MYO18B: variants seen among roughly 807,000 people sequenced by gnomAD.
The protein encoded by MYO18B is unconventional myosin-XVIIIb.
Under a neutral mutation model 273.0 loss-of-function variants are expected in MYO18B, and 204 were observed. The ratio of observed to expected loss-of-function variants is 0.75; its 90% CI spans 0.67 to 0.84. The LOEUF (loss-of-function observed/expected upper bound fraction) is 0.84. MYO18B is among the 40% of genes least tolerant of loss of function. The pLI, the probability that MYO18B is intolerant of heterozygous loss-of-function variation, is 0.00. For missense variants in MYO18B, 3,212 were observed against 3,287.6 expected (o/e 0.98, Z 0.56); for synonymous variants, 1,330 against 1,305.7 (o/e 1.02, Z -0.40).
At chr22:25,997,050 C>T (rs1056830429) in intron 40 of MYO18B, among the ~76,000 whole-genome samples, 5 of 151,940 alleles carry the variant, frequency 3.3e-5, no homozygotes, top group Non-Finnish European at 7.4e-5. Context: ...TTGCTGGGCG[C>T]GGTGGCTCAT....
intron 12 of MYO18B, among the ~76,000 whole-genome samples, chr22:25,819,124 C>T (rs943537757): frequency 3.3e-5 from 5 of 152,128 alleles, no homozygotes; most frequent in African/African-American, 1.2e-4. Flanking sequence ...GGATTTTGTG[C>T]ACCGGCCAGC....
At chr22:25,887,265 G>A (rs530134272) in intron 25 of MYO18B, among the ~76,000 whole-genome samples, 3 of 152,238 alleles carry the variant, frequency 2.0e-5, no homozygotes, top group South Asian at 2.1e-4. Flanking sequence ...TGTTGGATCC[G>A]TGAAGAACAA....
chr22:25,991,447 T>G (rs1183821127), intron 39 of MYO18B, among the ~76,000 whole-genome samples: 3 of 152,170 alleles, frequency 2.0e-5, no homozygotes, highest in African/African-American at 7.2e-5. Context: ...CAAAAATGTC[T>G]CCAGACATGA....
At chr22:25,983,010 C>T (rs2093165123) in intron 39 of MYO18B, among the ~76,000 whole-genome samples, 1 of 152,132 alleles carries the variant, frequency 6.6e-6, no homozygotes, top group Admixed American at 6.5e-5. Flanking sequence ...ACCTAGTATA[C>T]AGCAATACAT....
At chr22:26,003,737 A>C (rs1951639325) in intron 41 of MYO18B, among the ~76,000 whole-genome samples, 1 of 152,158 alleles carries the variant, frequency 6.6e-6, no homozygotes, top group Non-Finnish European at 1.5e-5. Context: ...TGCGTGGCCA[A>C]ACCCTAACCT....
intron 20 of MYO18B, among the ~76,000 whole-genome samples, chr22:25,850,860 A>G (rs2090405589): frequency 6.6e-6 from 1 of 152,172 alleles, no homozygotes; most frequent in Non-Finnish European, 1.5e-5. Flanking sequence ...GTTATTTTGG[A>G]AAACCCTATG....
intron 36 of MYO18B, among the ~76,000 whole-genome samples, chr22:25,948,459 C>CTTCCTTCCTTCCTTCCTTCT (rs1442898869): frequency 4.4e-5 from 3 of 67,636 alleles, no homozygotes; most frequent in African/African-American, 1.6e-4. Context: ...TCCTTCCTTC[C>CTTCCTTCCTTCCTTCCTTCT]TTCTTTCTTT....
intron 42 of MYO18B, 145 bp downstream of exon 42, chr22:26,005,000 T>G: frequency 9.8e-7 from 1 of 1,019,254 alleles, no homozygotes; most frequent in South Asian, 1.6e-5. Flanking sequence ...CTCTGCCACT[T>G]CCTAGCTGTG....
chr22:26,029,255 G>A (rs1322872302), intron 43 of MYO18B, among the ~76,000 whole-genome samples: 1 of 152,172 alleles, frequency 6.6e-6, no homozygotes, highest in Admixed American at 6.5e-5. Flanking sequence ...TCCAGCGACT[G>A]CACATGGCTC....
intron 3 of MYO18B, among the ~76,000 whole-genome samples, chr22:25,765,139 C>T (rs2086460370): frequency 6.6e-6 from 1 of 152,096 alleles, no homozygotes; most frequent in Admixed American, 6.5e-5. Flanking sequence ...CACTGCTGTG[C>T]CTGGATGGAG....
intron 1 of MYO18B, among the ~76,000 whole-genome samples, chr22:25,747,632 T>C (rs1022982211): frequency 6.6e-6 from 1 of 151,992 alleles, no homozygotes; most frequent in Non-Finnish European, 1.5e-5. Context: ...TTTTCTAATT[T>C]CTCATAGAAA....
intron 12 of MYO18B, among the ~76,000 whole-genome samples, chr22:25,802,585 TA>T (rs949982420): frequency 8.0e-5 from 12 of 149,624 alleles, no homozygotes; most frequent in Admixed American, 2.0e-4. Context: ...TCATCTCTAC[TA>T]AAAAAAAATA....
intron 12 of MYO18B, among the ~76,000 whole-genome samples, chr22:25,817,328 TTC>T (rs1312711525): frequency 6.6e-6 from 1 of 151,790 alleles, no homozygotes; most frequent in Non-Finnish European, 1.5e-5. Context: ...TTCTTTTCTT[TTC>T]TTTTTCTTTT....
At chr22:25,847,962 C>T (rs1043878683) in intron 20 of MYO18B, among the ~76,000 whole-genome samples, 1 of 151,390 alleles carries the variant, frequency 6.6e-6, no homozygotes, top group Admixed American at 6.6e-5. Context: ...CACACACACA[C>T]ACACACACAC....
chr22:25,942,310 A>G (rs2092653951), intron 34 of MYO18B, among the ~76,000 whole-genome samples: 1 of 152,216 alleles, frequency 6.6e-6, no homozygotes, highest in Non-Finnish European at 1.5e-5. Context: ...GGCAGGTTCC[A>G]GGAATGATGC....
chr22:25,938,820 G>A (rs868551982), intron 34 of MYO18B, among the ~76,000 whole-genome samples: 2 of 152,138 alleles, frequency 1.3e-5, no homozygotes, highest in Non-Finnish European at 2.9e-5. Flanking sequence ...TTAACACTAT[G>A]GAAGTGTTTG....
At chr22:25,809,024 AC>A (rs1315015652) in intron 12 of MYO18B, among the ~76,000 whole-genome samples, 3 of 151,940 alleles carry the variant, frequency 2.0e-5, no homozygotes, top group African/African-American at 4.8e-5. Flanking sequence ...GCTTACAGCA[AC>A]CTCCGCCTCC....
rs187090441 is a variant in MYO18B at position 25,834,337 on chromosome 22, C to A, written c.3061-959C>A. ...TTAACAACTATTTTCTGAGGACCTTCTGAGCGTGGGCTGGCTATCAGTTTC... is the reference window on the plus strand; with the variant it reads ...TTAACAACTATTTTCTGAGGACCTTATGAGCGTGGGCTGGCTATCAGTTTC... On this transcript the variant is annotated intron_variant, in intron 16 of 43. Coordinates refer to ENST00000335473, the MANE Select transcript of MYO18B (RefSeq NM_032608.7). 3.9e-5 allele frequency among the ~76,000 whole-genome samples: 6 copies of A among 152,124 alleles called. No individual in the cohort carries two copies. In the East Asian group the frequency reaches 7.7e-4, roughly 20 times the overall value.
intron 25 of MYO18B, among the ~76,000 whole-genome samples, chr22:25,880,145 AGACTTTCAGGACTGGGGAAAGG>A (rs1223666712): frequency 6.6e-6 from 1 of 152,254 alleles, no homozygotes; most frequent in African/African-American, 2.4e-5. Context: ...TGTTCTATGT[AGACTTTCAGGACTGGGGAAAGG>A]GAGGCACTTG....
Sources: gnomAD v4.1 joint callset for allele counts (sites outside exome capture counted in the v4.1 genomes callset) on GRCh38, gnomAD v4.1.1 for gene constraint, MANE v1.5 for transcripts, NCBI Gene and HGNC (gene_info 2026-07-23, HGNC 2026-07-21) for gene names.